CNTN3: variants seen among roughly 807,000 people sequenced by gnomAD.
CNTN3 encodes the protein contactin-3.
CNTN3 carries 60 observed loss-of-function variants against 119.1 expected under a neutral mutation model. That is an observed-to-expected ratio of 0.50 (90% CI 0.41 to 0.62). The LOEUF is 0.62. CNTN3 is among the 20% of genes least tolerant of loss of function. The pLI, the probability that CNTN3 is intolerant of heterozygous loss-of-function variation, is 0.00. For synonymous variants in CNTN3, 450 were observed against 438.7 expected (o/e 1.03, Z -0.32); for missense variants, 1,101 against 1,242.4 (o/e 0.89, Z 1.71).
intron 3 of CNTN3, among the ~76,000 whole-genome samples, chr3:74,488,445 T>C (rs535517507): frequency 6.6e-6 from 1 of 152,268 alleles, no homozygotes; most frequent in Non-Finnish European, 1.5e-5. Context: ...TTTAAAGCTC[T>C]CATGGAGAGA....
chr3:74,420,765 T>A (rs1214647589), intron 5 of CNTN3, among the ~76,000 whole-genome samples: 2 of 152,172 alleles, frequency 1.3e-5, no homozygotes, highest in Non-Finnish European at 2.9e-5. Flanking sequence ...TGGTCATGAG[T>A]CAGAGCATCC....
At chr3:74,339,669 T>C (rs1703483407) in intron 11 of CNTN3, among the ~76,000 whole-genome samples, 1 of 152,188 alleles carries the variant, frequency 6.6e-6, no homozygotes, top group South Asian at 2.1e-4. Flanking sequence ...ACCACTAAAT[T>C]TTTAGACCCT....
chr3:74,457,966 G>T (rs1702300133), intron 4 of CNTN3, among the ~76,000 whole-genome samples: 1 of 151,912 alleles, frequency 6.6e-6, no homozygotes, highest in African/African-American at 2.4e-5. Flanking sequence ...GTTTACCCTG[G>T]CTTGACCATA....
intron 11 of CNTN3, among the ~76,000 whole-genome samples, chr3:74,353,580 C>T (rs940439763): frequency 6.6e-6 from 1 of 152,112 alleles, no homozygotes; most frequent in Non-Finnish European, 1.5e-5. Flanking sequence ...CACGGTGAAA[C>T]CCCGTCTCTA....
intron 2 of CNTN3, among the ~76,000 whole-genome samples, chr3:74,509,861 T>G (rs182732791): frequency 4.1e-4 from 62 of 152,190 alleles, no homozygotes; most frequent in African/African-American, 1.4e-3. Flanking sequence ...GAACAATGTT[T>G]GTGTATTTTA....
intron 1 of CNTN3, among the ~76,000 whole-genome samples, chr3:74,596,207 A>G (rs1704806570): frequency 6.6e-6 from 1 of 152,112 alleles, no homozygotes. Flanking sequence ...AAATGGAAGA[A>G]CATTCCATGC....
At chr3:74,444,148 C>T (rs1575730823) in intron 4 of CNTN3, among the ~76,000 whole-genome samples, 1 of 152,230 alleles carries the variant, frequency 6.6e-6, no homozygotes, top group East Asian at 1.9e-4. Context: ...CTTATAATGA[C>T]ACCAATCACA....
At position 74,583,679 on chromosome 3, in the gene CNTN3, A is replaced by T. The variant is rs1385997813; in HGVS notation, c.-81+30712T>A. Among the ~76,000 whole-genome samples, 4 of 152,298 alleles carry T rather than the reference A, an allele frequency of 2.6e-5. No individual in the cohort carries two copies. The East Asian group carries it at 5.8e-4, about 22-fold the overall frequency. On this transcript the variant is annotated intron_variant, in intron 1 of 22. Transcript: ENST00000263665. ...CTAGCTGGGTATAATCAACTGACAAAATGCATCAAAGTGAAAACAAGATTT... is the reference window on the plus strand; with the variant it reads ...CTAGCTGGGTATAATCAACTGACAATATGCATCAAAGTGAAAACAAGATTT...
chr3:74,457,249 A>G (rs939493753), intron 4 of CNTN3, among the ~76,000 whole-genome samples: 1 of 152,058 alleles, frequency 6.6e-6, no homozygotes, highest in Admixed American at 6.6e-5. Context: ...GATTGTTTCC[A>G]AAAGTCTAAT....
intron 1 of CNTN3, among the ~76,000 whole-genome samples, chr3:74,609,227 G>C (rs1166991665): frequency 1.3e-5 from 2 of 152,206 alleles, no homozygotes; most frequent in African/African-American, 4.8e-5. Flanking sequence ...GGCTGCATCA[G>C]TAGCATATTT....
chr3:74,289,206 C>T (rs1442747657), intron 19 of CNTN3, among the ~76,000 whole-genome samples: 2 of 152,182 alleles, frequency 1.3e-5, no homozygotes, highest in Non-Finnish European at 2.9e-5. Context: ...GGTGTAATTA[C>T]ATAAATTATT....
intron 16 of CNTN3, among the ~76,000 whole-genome samples, chr3:74,300,692 T>C (rs561538176): frequency 1.3e-5 from 2 of 152,324 alleles, no homozygotes; most frequent in African/African-American, 4.8e-5. Flanking sequence ...ATGACTTCCA[T>C]CTTAGCTGAG....
At chr3:74,474,361 G>C (rs1702616549) in intron 4 of CNTN3, among the ~76,000 whole-genome samples, 1 of 152,128 alleles carries the variant, frequency 6.6e-6, no homozygotes. Context: ...ATTATGGTTT[G>C]AAAACATAAG....
intron 8 of CNTN3, 74 bp from the exon 9 acceptor site, chr3:74,365,776 A>G (rs1704173226): frequency 6.7e-7 from 1 of 1,483,958 alleles, no homozygotes; most frequent in Non-Finnish European, 9.1e-7. Flanking sequence ...TTATTTTATT[A>G]TCTTACCTGG....
chr3:74,597,059 TA>T (rs1704825408), intron 1 of CNTN3, among the ~76,000 whole-genome samples: 1 of 152,050 alleles, frequency 6.6e-6, no homozygotes, highest in South Asian at 2.1e-4. Flanking sequence ...TCCATTTACA[TA>T]AAATTCTAAG....
At chr3:74,549,054 ACT>A (rs1237132423) in intron 1 of CNTN3, among the ~76,000 whole-genome samples, 1 of 152,036 alleles carries the variant, frequency 6.6e-6, no homozygotes, top group Non-Finnish European at 1.5e-5. Flanking sequence ...ATACAATTTG[ACT>A]CTGTGTCCTC....
rs56045137 is a variant in CNTN3, at chr3:74,321,850, G to T, written c.1668+12885C>A. 6.5e-4 allele frequency among the ~76,000 whole-genome samples: 99 copies of T among 152,164 alleles called. 1 individual carries two copies. The highest frequency in any genetic ancestry group is 1.2e-3 in the Non-Finnish European group (82 of 68,004). On this transcript the variant is annotated intron_variant, in intron 13 of 22. Coordinates refer to ENST00000263665, the MANE Select transcript of CNTN3 (RefSeq NM_020872.3). ...GCCAAAAGTTATACAAAAATAAGTA[G>T]ATAACACAAATAGTCTTACATATAA... is the stretch of plus-strand genomic sequence containing the variant.
chr3:74,583,398 G>C (rs78125824), intron 1 of CNTN3, among the ~76,000 whole-genome samples: 7,094 of 151,978 alleles, frequency 0.047, 202 homozygotes, highest in African/African-American at 0.079. Flanking sequence ...AAAAAAACCA[G>C]TGATACATGC....
chr3:74,406,650 T>C (rs965719917), intron 5 of CNTN3, among the ~76,000 whole-genome samples: 2 of 152,068 alleles, frequency 1.3e-5, no homozygotes, highest in South Asian at 4.1e-4. Context: ...CACCAGTAAA[T>C]TGCTTATTTT....
Sources: allele counts gnomAD v4.1 joint callset (sites outside exome capture counted in the v4.1 genomes callset), GRCh38; gene constraint gnomAD v4.1.1; transcripts MANE v1.5; gene names NCBI Gene and HGNC (gene_info 2026-07-23, HGNC 2026-07-21).